The following ACTR3B variants were observed in gnomAD, a reference collection of about 807,000 sequenced individuals.
The protein encoded by ACTR3B is actin-related protein 3B.
Under a neutral mutation model 59.0 loss-of-function variants are expected in ACTR3B, and 8 were observed. The observed-to-expected ratio is 0.14, with a 90% CI of 0.08 to 0.24. The LOEUF is 0.24. Ranked by LOEUF, ACTR3B falls within the 10% of genes least tolerant of loss-of-function variation. The pLI, the probability that ACTR3B is intolerant of heterozygous loss-of-function variation, is 1.00. For synonymous variants in ACTR3B, 148 were observed against 197.9 expected (o/e 0.75, Z 2.12); for missense variants, 245 against 552.3 (o/e 0.44, Z 5.58).
intron 10 of ACTR3B, 41 bp downstream of exon 10, chr7:152,852,292 C>T (rs1798871307): frequency 6.4e-7 from 1 of 1,559,514 alleles, no homozygotes. Context: ...GGGGCTATTG[C>T]CCCAGGCCTG....
chr7:152,839,343 G>A (rs1213382527), intron 9 of ACTR3B, among the ~76,000 whole-genome samples: 4 of 139,170 alleles, frequency 2.9e-5, no homozygotes, highest in African/African-American at 5.9e-5. Flanking sequence ...TGGATGCCAC[G>A]TGACCGAGAG....
Position 152,809,099 on chromosome 7 carries a change from G to A in ACTR3B, c.337-5451G>A, listed in dbSNP as rs553235041. 6.8e-3 allele frequency among the ~76,000 whole-genome samples: 1,032 copies of A among 151,398 alleles called. 22 individuals carry two copies. Among genetic ancestry groups the A allele is most frequent in the Admixed American group, 0.051 (779 of 15,168 alleles). On this transcript the variant is annotated intron_variant, in intron 4 of 11. Coordinates refer to ENST00000256001, the MANE Select transcript of ACTR3B (RefSeq NM_020445.6). ...TTTAATCTCCTCAGCCCGAGTAGGC[G>A]CATTGAAATAAATACCATGTTGTGG... is the stretch of plus-strand genomic sequence containing the variant.
chr7:152,850,571 G>C (rs1288545666), intron 9 of ACTR3B, among the ~76,000 whole-genome samples: 1 of 152,246 alleles, frequency 6.6e-6, no homozygotes, highest in African/African-American at 2.4e-5. Flanking sequence ...CATTCTTCCT[G>C]CTCTGACTTC....
At chr7:152,852,656 C>T (rs1056058468) in intron 10 of ACTR3B, among the ~76,000 whole-genome samples, 5 of 152,164 alleles carry the variant, frequency 3.3e-5, no homozygotes, top group African/African-American at 7.2e-5. Flanking sequence ...AGTTACAAGG[C>T]GTTCCTCCAA....
Position 152,824,476 on chromosome 7 carries a change from A to G in ACTR3B, c.859-554A>G, listed in dbSNP as rs1590375793. 6.6e-6 allele frequency among the ~76,000 whole-genome samples: 1 copy of G among 152,218 alleles called. No homozygotes were observed. Among genetic ancestry groups the G allele is most frequent in the Non-Finnish European group, 1.5e-5 (1 of 68,048 alleles). On this transcript the variant is annotated intron_variant, in intron 8 of 11. Coordinates refer to ENST00000256001, the MANE Select transcript of ACTR3B (RefSeq NM_020445.6). This position sits in a 1 kb window ranked among gnomAD's most constrained non-coding sequence, Gnocchi z 4.2. ...AGTTGAATTTGTTATACTTTAGCTT[A>G]TTTAACTTATGGAATTGAATCTATG...
chr7:152,763,090 C>T (rs1250522917), intron 1 of ACTR3B, among the ~76,000 whole-genome samples: 14 of 151,856 alleles, frequency 9.2e-5, no homozygotes, highest in African/African-American at 2.7e-4. Flanking sequence ...CCGAGGCGGG[C>T]GGATCACCTG....
intron 5 of ACTR3B, among the ~76,000 whole-genome samples, chr7:152,815,490 T>C (rs577170709): frequency 6.6e-6 from 1 of 152,346 alleles, no homozygotes; most frequent in East Asian, 1.9e-4. Flanking sequence ...GCAGCAAGTT[T>C]ACCTGGAGAA....
chr7:152,836,240 C>T (rs1287460545), intron 9 of ACTR3B, among the ~76,000 whole-genome samples: 1 of 152,182 alleles, frequency 6.6e-6, no homozygotes, highest in African/African-American at 2.4e-5. Context: ...AAAAGATAGG[C>T]TCAGTAAATA....
chr7:152,798,571 C>G (rs2098225047), intron 2 of ACTR3B, among the ~76,000 whole-genome samples: 1 of 152,082 alleles, frequency 6.6e-6, no homozygotes, highest in Non-Finnish European at 1.5e-5. Context: ...TACCTGTGCT[C>G]TTGAGGTCTT....
Position 152,823,379 on chromosome 7 carries a change from A to G in ACTR3B, c.722A>G (p.Glu241Gly). 6.2e-7 allele frequency: 1 copy of G among 1,614,228 alleles called. No individual in the cohort carries two copies. The highest frequency in any genetic ancestry group is 8.5e-7 in the Non-Finnish European group (1 of 1,180,038). ...YCYICPDIVKEFAKYDVDPRK... is the reference protein window; with the variant it reads ...YCYICPDIVKGFAKYDVDPRK... ...TACATTTGCCCCGATATAGTCAAGGAATTTGCCAAGTATGATGTGGATCCC... is the reference window on the plus strand; with the variant it reads ...TACATTTGCCCCGATATAGTCAAGGGATTTGCCAAGTATGATGTGGATCCC... The change falls in exon 8 of 12, where the codon GAA (glutamate) becomes GGA (glycine). Residue 241 changes from glutamate (E) to glycine (G), a missense_variant. By Grantham distance (98) the Glu-to-Gly change is moderately conservative. Transcript: ENST00000256001.
At chr7:152,770,289 A>G (rs1249230401) in intron 1 of ACTR3B, among the ~76,000 whole-genome samples, 1 of 152,212 alleles carries the variant, frequency 6.6e-6, no homozygotes, top group Admixed American at 6.5e-5. Flanking sequence ...GAGATGTGGC[A>G]TCCCCGCCCA....
At chr7:152,838,554 G>C (rs1797640854) in intron 9 of ACTR3B, among the ~76,000 whole-genome samples, 1 of 151,736 alleles carries the variant, frequency 6.6e-6, no homozygotes, top group Admixed American at 6.6e-5. Context: ...TTAGGGGAGG[G>C]AGAGCATTAG....
chr7:152,852,720 G>A (rs1703604861), intron 10 of ACTR3B, among the ~76,000 whole-genome samples: 1 of 152,202 alleles, frequency 6.6e-6, no homozygotes, highest in Admixed American at 6.5e-5. Flanking sequence ...CCAAGAGTGG[G>A]CTTCGATAGG....
At chr7:152,772,772 A>G (rs1267975404) in intron 1 of ACTR3B, among the ~76,000 whole-genome samples, 1 of 146,932 alleles carries the variant, frequency 6.8e-6, no homozygotes, top group Non-Finnish European at 1.5e-5. Context: ...ATAATTGAAT[A>G]ATCTTTCTTG....
chr7:152,809,129 C>CT (rs1438926228), intron 4 of ACTR3B, among the ~76,000 whole-genome samples: 3 of 150,968 alleles, frequency 2.0e-5, no homozygotes, highest in Non-Finnish European at 2.9e-5. Flanking sequence ...TTGTGGAGTG[C>CT]TTTTTAGGTT....
chr7:152,848,262 C>T lies in ACTR3B; in HGVS notation c.952-3864C>T, dbSNP rs185465718. ...ACCTGGCCCTGTGGCCCCTCTCCTACACTGCGGTGGGCCAAGGGACAGCTC... is the reference window on the plus strand; with the variant it reads ...ACCTGGCCCTGTGGCCCCTCTCCTATACTGCGGTGGGCCAAGGGACAGCTC... On this transcript the variant is annotated intron_variant, in intron 9 of 11. Transcript: ENST00000256001. Among the ~76,000 whole-genome samples the T allele has an allele frequency of 2.6e-5, 4 of 152,342 alleles. No homozygotes were observed. The East Asian group carries it at 7.7e-4, about 29-fold the overall frequency.
chr7:152,834,660 A>G (rs1304921313), intron 9 of ACTR3B, among the ~76,000 whole-genome samples: 1 of 151,864 alleles, frequency 6.6e-6, no homozygotes, highest in Non-Finnish European at 1.5e-5. Context: ...TTCGATACCA[A>G]CTCTTTTTTC....
At chr7:152,847,009 C>T (rs1798388284) in intron 9 of ACTR3B, among the ~76,000 whole-genome samples, 1 of 148,626 alleles carries the variant, frequency 6.7e-6, no homozygotes, top group Non-Finnish European at 1.5e-5. Flanking sequence ...CTGCAGTGAG[C>T]TCTAGTGCCC....
intron 1 of ACTR3B, among the ~76,000 whole-genome samples, chr7:152,761,663 TG>T (rs1348211949): frequency 1.3e-5 from 2 of 151,330 alleles, no homozygotes; most frequent in African/African-American, 4.9e-5. Flanking sequence ...TTAGAAACGG[TG>T]GCAGGGAATC....
Sources: allele counts gnomAD v4.1 joint callset (sites outside exome capture counted in the v4.1 genomes callset), GRCh38; gene constraint gnomAD v4.1.1; non-coding constraint Gnocchi (gnomAD v3.1); transcripts MANE v1.5; gene names NCBI Gene and HGNC (gene_info 2026-07-23, HGNC 2026-07-21).